The following LYST variants were observed in gnomAD, a reference collection of about 807,000 sequenced individuals.
The protein encoded by LYST is lysosomal trafficking regulator.
A neutral mutation model predicts 413.6 loss-of-function variants in LYST; 192 were observed. The observed-to-expected ratio is 0.46, with a 90% CI of 0.41 to 0.52. The LOEUF (loss-of-function observed/expected upper bound fraction) is 0.52. Among genes scored for constraint, LYST ranks in the 20% least tolerant of loss-of-function variants. The pLI is 0.00. For missense variants in LYST, 3,815 were observed against 4,499.9 expected (o/e 0.85, Z 4.35); for synonymous variants, 1,525 against 1,567.3 (o/e 0.97, Z 0.64).
intron 39 of LYST, among the ~76,000 whole-genome samples, chr1:235,721,339 A>C (rs1329416751): frequency 6.6e-6 from 1 of 152,206 alleles, no homozygotes; most frequent in Non-Finnish European, 1.5e-5. Flanking sequence ...ATAATATGGG[A>C]GTGATAATAT....
intron 1 of LYST, among the ~76,000 whole-genome samples, chr1:235,843,914 C>A (rs1677498019): frequency 1.3e-5 from 2 of 152,314 alleles, no homozygotes; most frequent in South Asian, 4.1e-4. Context: ...TAAAGTAACA[C>A]TACGTGCTTG....
intron 40 of LYST, among the ~76,000 whole-genome samples, chr1:235,719,515 T>C (rs1486288364): frequency 6.6e-6 from 1 of 151,718 alleles, no homozygotes; most frequent in Non-Finnish European, 1.5e-5. Flanking sequence ...TAGGTACAAA[T>C]TCAATGGGAG....
intron 23 of LYST, 100 bp downstream of exon 23, chr1:235,758,872 G>T (rs1229346811): frequency 2.0e-6 from 2 of 977,846 alleles, no homozygotes; most frequent in Non-Finnish European, 1.6e-6. Flanking sequence ...TCTGTTTGTT[G>T]TATTATAAGT....
At chr1:235,767,820 T>A (rs931438944) in intron 20 of LYST, among the ~76,000 whole-genome samples, 14 of 152,266 alleles carry the variant, frequency 9.2e-5, no homozygotes, top group African/African-American at 3.4e-4. Context: ...TGTAAGTCAT[T>A]AAGAATTTCT....
intron 1 of LYST, among the ~76,000 whole-genome samples, chr1:235,848,274 T>G (rs1308191887): frequency 6.6e-6 from 1 of 152,188 alleles, no homozygotes; most frequent in East Asian, 1.9e-4. Flanking sequence ...AACCTGCTCC[T>G]GAATGAGCAT....
intron 50 of LYST, among the ~76,000 whole-genome samples, chr1:235,675,314 T>C (rs1458757258): frequency 6.6e-6 from 1 of 152,172 alleles, no homozygotes; most frequent in Non-Finnish European, 1.5e-5. Context: ...AAACTGCATG[T>C]TTATCATAGT....
intron 1 of LYST, among the ~76,000 whole-genome samples, chr1:235,851,589 C>CA (rs889619839): frequency 3.3e-5 from 5 of 150,680 alleles, no homozygotes; most frequent in African/African-American, 9.7e-5. Flanking sequence ...GGTTTATTGG[C>CA]AAAAAAAGAA....
At chr1:235,880,167 A>T (rs1681317984) in intron 1 of LYST, among the ~76,000 whole-genome samples, 1 of 152,160 alleles carries the variant, frequency 6.6e-6, no homozygotes, top group Admixed American at 6.5e-5. Flanking sequence ...GGTCATCTGA[A>T]TTCTATAATT....
chr1:235,711,273 T>C (rs1276667366), intron 43 of LYST, among the ~76,000 whole-genome samples: 1 of 152,166 alleles, frequency 6.6e-6, no homozygotes, highest in African/African-American at 2.4e-5. Context: ...GTGCCCCAAA[T>C]TGCAGGTGCT....
chr1:235,788,571 G>T, intron 13 of LYST, 130 bp downstream of exon 13: 1 of 795,450 alleles, frequency 1.3e-6, no homozygotes, highest in Non-Finnish European at 2.1e-6. Context: ...CTGTTAGAAT[G>T]TATATATTTT....
intron 48 of LYST, among the ~76,000 whole-genome samples, chr1:235,677,942 T>C (rs566539731): frequency 6.6e-6 from 1 of 152,230 alleles, no homozygotes; most frequent in East Asian, 1.9e-4. Flanking sequence ...AATCTTGACA[T>C]TGTCTTCAAA....
intron 28 of LYST, among the ~76,000 whole-genome samples, chr1:235,747,834 A>C (rs1466729797): frequency 6.6e-6 from 1 of 152,164 alleles, no homozygotes; most frequent in Non-Finnish European, 1.5e-5. Context: ...TCTAAACCTC[A>C]GTTTTCTCAT....
At chr1:235,722,156 C>A (rs1437836661) in intron 39 of LYST, among the ~76,000 whole-genome samples, 1 of 152,124 alleles carries the variant, frequency 6.6e-6, no homozygotes, top group Non-Finnish European at 1.5e-5. Flanking sequence ...ACATTCAAGG[C>A]ATGGATGGAG....
intron 50 of LYST, among the ~76,000 whole-genome samples, chr1:235,676,119 AAAC>A (rs1414648783): frequency 1.2e-4 from 18 of 152,224 alleles, no homozygotes; most frequent in African/African-American, 3.4e-4. Flanking sequence ...TGTATATATG[AAAC>A]AACAACAACA....
chr1:235,750,224 A>G (rs1340172297), intron 28 of LYST, among the ~76,000 whole-genome samples: 3 of 152,220 alleles, frequency 2.0e-5, no homozygotes, highest in Non-Finnish European at 4.4e-5. Context: ...GGGCAGCTCA[A>G]GAAGAGACAG....
chr1:235,680,405 C>T (rs1197158266), intron 48 of LYST, among the ~76,000 whole-genome samples: 2 of 151,944 alleles, frequency 1.3e-5, no homozygotes, highest in East Asian at 3.9e-4. Flanking sequence ...TAGGTATGCA[C>T]TACCATGCCC....
intron 37 of LYST, 45 bp from the exon 38 acceptor site, chr1:235,728,176 C>T (rs369163337): frequency 5.2e-6 from 7 of 1,358,220 alleles, no homozygotes; most frequent in Non-Finnish European, 7.4e-6. Flanking sequence ...TGTATGTGCA[C>T]ACTACCATTC....
Position 235,800,351 on chromosome 1 carries a change from A to G in LYST, c.3975T>C (p.Ser1325=). ...AATCAGAATCATCCTGTGTTAAAAT[A>G]CTCAAGAACCCTCCTAAAAGATTTT... ...TVKNLLGGFL[S]ILTQDDSDFQ... The change falls in exon 10 of 53, where the codon AGT becomes AGC. Residue 1325 remains serine (S), a synonymous_variant. Transcript: ENST00000389793. 1 of 1,595,228 alleles carries G rather than the reference A, an allele frequency of 6.3e-7. No individual in the cohort carries two copies. Among genetic ancestry groups the G allele is most frequent in the Non-Finnish European group, 8.6e-7 (1 of 1,163,002 alleles).
Position 235,686,945 on chromosome 1 carries a change from C to A in LYST, c.10800+4G>T, listed in dbSNP as rs41308172. ...TACTACCCACACAGAAGCCCAGAAC[C>A]TACCGTGCTGCTTGTAAATCTGTTT... is the stretch of plus-strand genomic sequence containing the variant. On this transcript the variant is annotated splice_donor_region_variant and intron_variant, in intron 48 of 52. Coordinates refer to ENST00000389793, the MANE Select transcript of LYST (RefSeq NM_000081.4). This position sits in a 1 kb window ranked among gnomAD's most constrained non-coding sequence, Gnocchi z 4.0. 6.5e-3 allele frequency: 10,447 copies of A among 1,612,438 alleles called. 50 individuals carry two copies. Among genetic ancestry groups the A allele is most frequent in the Admixed American group, 0.014 (849 of 60,020 alleles).
Sources: allele counts gnomAD v4.1 joint callset (sites outside exome capture counted in the v4.1 genomes callset), GRCh38; gene constraint gnomAD v4.1.1; non-coding constraint Gnocchi (gnomAD v3.1); transcripts MANE v1.5; gene names NCBI Gene and HGNC (gene_info 2026-07-23, HGNC 2026-07-21).